SGCD: variants seen among roughly 807,000 people sequenced by gnomAD.
SGCD encodes sarcoglycan delta, also known as delta-sarcoglycan.
A neutral mutation model predicts 36.6 loss-of-function variants in SGCD; 18 were observed. That is an observed-to-expected ratio of 0.49 (90% CI 0.34 to 0.73). The LOEUF (loss-of-function observed/expected upper bound fraction) is 0.73, where lower values mean the gene tolerates loss of function less well. Among genes scored for constraint, SGCD ranks in the 30% least tolerant of loss-of-function variants. The probability of loss-of-function intolerance (pLI) is 0.01; values close to 1 mark genes in which losing one functional copy is unlikely to be tolerated. For synonymous variants in SGCD, 133 were observed against 130.6 expected (o/e 1.02, Z -0.12); for missense variants, 387 against 346.7 (o/e 1.12, Z -0.92).
chr5:155,845,591 A>G, the SGCD span: 1 of 152,212 alleles, frequency 6.6e-6, no homozygotes, highest in Non-Finnish European at 1.5e-5. Flanking sequence ...TAATTTTAAT[A>G]CAACTCTCTT....
intron 1 of SGCD, among the ~76,000 whole-genome samples, chr5:155,956,603 G>GC (rs1341359088): frequency 3.3e-5 from 5 of 152,088 alleles, no homozygotes; most frequent in African/African-American, 9.7e-5. Flanking sequence ...AGTTCTGGAG[G>GC]CCAGAAATCG....
chr5:155,959,990 G>T (rs1757757932), intron 1 of SGCD, among the ~76,000 whole-genome samples: 1 of 152,032 alleles, frequency 6.6e-6, no homozygotes, highest in South Asian at 2.1e-4. Flanking sequence ...CCCAGGGCTA[G>T]AGAGAGAAAA....
In SGCD at chr5:156,113,078, A is replaced by C. The variant is rs1761825314; in HGVS notation, c.-281-4800A>C. On this transcript the variant is annotated intron_variant, in intron 1 of 9. Coordinates refer to the SGCD transcript ENST00000517913. ...TAGCAAATAAAAGAAAACTGTTTAA[A>C]TCATGTAGAAGATCTTGTCCCCTCT... Among the ~76,000 whole-genome samples the C allele has an allele frequency of 5.4e-5, 8 of 148,948 alleles. No homozygotes were observed. In the Admixed American group the frequency reaches 5.4e-4, roughly 10 times the overall value.
At chr5:156,329,378 A>ACC (rs59336917) in intron 1 of SGCD, among the ~76,000 whole-genome samples, 156 bp from the exon 2 acceptor site, 3,348 of 152,306 alleles carry the variant, frequency 0.022, 119 homozygotes, top group African/African-American at 0.076. Flanking sequence ...TAGCCACTTC[A>ACC]CCACAGGAGA....
At chr5:156,723,176 A>AT (rs1193798512) in intron 7 of SGCD, among the ~76,000 whole-genome samples, 1 of 152,206 alleles carries the variant, frequency 6.6e-6, no homozygotes, top group African/African-American at 2.4e-5. Flanking sequence ...ACTACAAGGA[A>AT]TGAAAGGGAA....
the SGCD span, among the ~76,000 whole-genome samples, chr5:155,741,627 C>T: frequency 6.6e-6 from 1 of 151,738 alleles, no homozygotes; most frequent in Non-Finnish European, 1.5e-5. Context: ...CATGTCTGAC[C>T]CCCACACCAC....
At chr5:156,281,481 G>A (rs1275975766) in intron 3 of SGCD, among the ~76,000 whole-genome samples, 1 of 152,100 alleles carries the variant, frequency 6.6e-6, no homozygotes, top group Non-Finnish European at 1.5e-5. Flanking sequence ...TGGAAAAGAA[G>A]GTTAGGAACA....
chr5:156,508,199 C>G (rs1756786103), intron 3 of SGCD, among the ~76,000 whole-genome samples: 1 of 152,106 alleles, frequency 6.6e-6, no homozygotes, highest in Non-Finnish European at 1.5e-5. Context: ...TGGATTTAAC[C>G]AACAGACTGC....
the SGCD span, among the ~76,000 whole-genome samples, chr5:155,858,472 AT>A: frequency 6.6e-6 from 1 of 152,198 alleles, no homozygotes; most frequent in Non-Finnish European, 1.5e-5. Flanking sequence ...CTAAATTTAT[AT>A]CATCTTTTGT....
intron 6 of SGCD, among the ~76,000 whole-genome samples, chr5:156,634,542 G>T (rs532165737): frequency 6.6e-6 from 1 of 152,300 alleles, no homozygotes; most frequent in African/African-American, 2.4e-5. Context: ...TCTACTGAAT[G>T]ATTCTGTTTA....
chr5:156,394,227 C>T (rs373650759), intron 3 of SGCD, among the ~76,000 whole-genome samples: 12 of 152,006 alleles, frequency 7.9e-5, no homozygotes, highest in Admixed American at 2.0e-4. Flanking sequence ...TAGTGGATGA[C>T]GTAAGTTTAT....
intron 3 of SGCD, among the ~76,000 whole-genome samples, chr5:156,489,498 G>GT (rs1022972518): frequency 6.6e-6 from 1 of 151,860 alleles, no homozygotes; most frequent in Non-Finnish European, 1.5e-5. Context: ...ATCAACAATT[G>GT]TTTTTTAAAA....
At chr5:155,923,181 T>G (rs1158345348) in intron 1 of SGCD, among the ~76,000 whole-genome samples, 1 of 152,220 alleles carries the variant, frequency 6.6e-6, no homozygotes, top group African/African-American at 2.4e-5. Flanking sequence ...TTACAGGTTT[T>G]GAACTTCTAG....
intron 3 of SGCD, among the ~76,000 whole-genome samples, chr5:156,484,288 G>A (rs538091583): frequency 6.6e-6 from 1 of 152,320 alleles, no homozygotes; most frequent in South Asian, 2.1e-4. Context: ...AATAAAGCAA[G>A]AGAAGTAACA....
intron 3 of SGCD, among the ~76,000 whole-genome samples, chr5:156,476,968 G>A (rs1483046023): frequency 6.7e-6 from 1 of 150,170 alleles, no homozygotes; most frequent in East Asian, 2.0e-4. Flanking sequence ...AAGCAGCTTT[G>A]TTGGAACTCA....
chr5:156,514,152 C>T (rs1757058520), intron 4 of SGCD, among the ~76,000 whole-genome samples: 3 of 152,208 alleles, frequency 2.0e-5, no homozygotes, highest in Non-Finnish European at 2.9e-5. Flanking sequence ...ACCTTTATTA[C>T]TACTTTGTGA....
At chr5:156,101,048 A>G (rs1761505867) in intron 1 of SGCD, among the ~76,000 whole-genome samples, 1 of 152,208 alleles carries the variant, frequency 6.6e-6, no homozygotes, top group South Asian at 2.1e-4. Context: ...CATGAGAAAG[A>G]TGATCTCTGT....
intron 4 of SGCD, among the ~76,000 whole-genome samples, chr5:156,519,636 C>T (rs1022514336): frequency 1.6e-4 from 25 of 152,094 alleles, no homozygotes; most frequent in Non-Finnish European, 2.4e-4. Context: ...ACTGGCAAAA[C>T]GAATTCAGCA....
the SGCD span, among the ~76,000 whole-genome samples, chr5:155,840,888 G>T: frequency 6.6e-6 from 1 of 151,190 alleles, no homozygotes; most frequent in African/African-American, 2.4e-5. Context: ...GCACATGCCT[G>T]TAATCTCAGC....
Sources: gnomAD v4.1 joint callset for allele counts (sites outside exome capture counted in the v4.1 genomes callset) on GRCh38, gnomAD v4.1.1 for gene constraint, MANE v1.5 for transcripts, NCBI Gene and HGNC (gene_info 2026-07-23, HGNC 2026-07-21) for gene names.